ADGRL2: variants seen among roughly 807,000 people sequenced by gnomAD.
The protein encoded by ADGRL2 is adhesion G protein-coupled receptor L2, also known as calcium-independent alpha-latrotoxin receptor 2.
A neutral mutation model predicts 157.4 loss-of-function variants in ADGRL2; 44 were observed. The ratio of observed to expected loss-of-function variants is 0.28; its 90% confidence interval spans 0.22 to 0.36. ADGRL2 has a LOEUF of 0.36. ADGRL2 is among the 10% of genes least tolerant of loss of function. The pLI, the probability that ADGRL2 is intolerant of heterozygous loss-of-function variation, is 1.00. For missense variants in ADGRL2, 1,510 were observed against 1,768.9 expected (o/e 0.85, Z 2.63); for synonymous variants, 585 against 624.7 (o/e 0.94, Z 0.95).
At chr1:81,728,094 T>C (rs1300804340) in intron 1 of ADGRL2, among the ~76,000 whole-genome samples, 1 of 152,198 alleles carries the variant, frequency 6.6e-6, no homozygotes, top group Non-Finnish European at 1.5e-5. Context: ...TCATCAACTT[T>C]GGGATTTATA....
chr1:81,809,068 G>C (rs963445339), intron 1 of ADGRL2, among the ~76,000 whole-genome samples: 1 of 151,948 alleles, frequency 6.6e-6, no homozygotes, highest in African/African-American at 2.4e-5. Flanking sequence ...CATTAATCAC[G>C]ACCTGACAAG....
chr1:81,736,440 C>T (rs1352459162), intron 1 of ADGRL2, among the ~76,000 whole-genome samples: 5 of 152,094 alleles, frequency 3.3e-5, no homozygotes, highest in African/African-American at 1.2e-4. Flanking sequence ...TGGGGTTCCT[C>T]TTATTTATTT....
intron 23 of ADGRL2, 193 bp from the exon 24 acceptor site, chr1:81,990,198 A>G (rs1216213659): frequency 1.0e-5 from 10 of 985,116 alleles, no homozygotes; most frequent in African/African-American, 1.7e-5. Context: ...ATTATTTTTA[A>G]CACTTTTTCC....
At chr1:81,340,315 G>A (rs1276105071) in intron 1 of ADGRL2, among the ~76,000 whole-genome samples, 1 of 152,128 alleles carries the variant, frequency 6.6e-6, no homozygotes, top group Non-Finnish European at 1.5e-5. Flanking sequence ...ACAATAGCAG[G>A]ACACATTTAA....
chr1:81,581,995 C>G (rs1026733862), intron 3 of ADGRL2, among the ~76,000 whole-genome samples: 1 of 151,850 alleles, frequency 6.6e-6, no homozygotes, highest in African/African-American at 2.4e-5. Context: ...CCAAGGTGGG[C>G]AGATCACCTG....
intron 2 of ADGRL2, among the ~76,000 whole-genome samples, chr1:81,481,233 C>T (rs1456621076): frequency 2.0e-5 from 3 of 152,310 alleles, no homozygotes; most frequent in South Asian, 4.1e-4. Context: ...GCCCCATAAA[C>T]TATCAATAAG....
chr1:81,361,032 C>G (rs1029694845), intron 1 of ADGRL2, among the ~76,000 whole-genome samples: 6 of 151,832 alleles, frequency 4.0e-5, no homozygotes, highest in Non-Finnish European at 7.4e-5. Context: ...AAGAAAGCCC[C>G]TAATCTTGCA....
intron 1 of ADGRL2, among the ~76,000 whole-genome samples, chr1:81,442,203 C>G (rs943915866): frequency 1.3e-5 from 2 of 152,108 alleles, no homozygotes; most frequent in East Asian, 1.9e-4. Context: ...AATATAAAGT[C>G]CTTTTAAAAA....
At chr1:81,737,183 C>T (rs2084929671) in intron 1 of ADGRL2, among the ~76,000 whole-genome samples, 1 of 152,128 alleles carries the variant, frequency 6.6e-6, no homozygotes. Context: ...TAATCTTTGT[C>T]ATTGTATTAG....
intron 1 of ADGRL2, among the ~76,000 whole-genome samples, chr1:81,368,145 T>C (rs901919624): frequency 4.6e-5 from 7 of 152,188 alleles, no homozygotes. Flanking sequence ...TTCCCACCAA[T>C]GCAATTAAAA....
At chr1:81,641,432 A>G (rs2082216698) in intron 3 of ADGRL2, among the ~76,000 whole-genome samples, 1 of 152,212 alleles carries the variant, frequency 6.6e-6, no homozygotes. Context: ...GTCATAAAAC[A>G]GACCTTAACA....
At chr1:81,354,282 A>C (rs1037562117) in intron 1 of ADGRL2, among the ~76,000 whole-genome samples, 1 of 152,232 alleles carries the variant, frequency 6.6e-6, no homozygotes, top group African/African-American at 2.4e-5. Context: ...AACTTGCTCA[A>C]GGACACTTAA....
chr1:81,951,981 A>C lies in ADGRL2; in HGVS notation c.1633A>C (p.Ser545Arg), dbSNP rs748535553. The C allele has an allele frequency of 1.9e-6, 3 of 1,608,770 alleles. No individual in the cohort carries two copies. Among genetic ancestry groups the C allele is most frequent in the Non-Finnish European group, 2.5e-6 (3 of 1,177,320 alleles). ...QKIRSGENAA[S>R]LANELAKHTK... is the part of the protein sequence containing the mutation. ...GATCAGAAGCGGAGAAAATGCTGCT[A>C]GTCTTGCCAATGAACTGGCTAAACA... is the stretch of plus-strand genomic sequence containing the variant. The change falls in exon 9 of 24, where the codon AGT becomes CGT. Residue 545 changes from serine (S) to arginine (R), a missense_variant. Transcript: ENST00000686636.
chr1:81,754,396 C>T (rs949897172), intron 1 of ADGRL2, among the ~76,000 whole-genome samples: 6 of 151,060 alleles, frequency 4.0e-5, no homozygotes, highest in South Asian at 2.1e-4. Context: ...AATGAGACAA[C>T]GCGTGAGCCA....
chr1:81,592,546 C>T (rs2081152956), intron 3 of ADGRL2, among the ~76,000 whole-genome samples: 2 of 152,140 alleles, frequency 1.3e-5, no homozygotes, highest in Admixed American at 6.5e-5. Context: ...TCTTAGGACC[C>T]TTCTAGTGTC....
chr1:81,329,352 A>G (rs1403779915), intron 1 of ADGRL2, among the ~76,000 whole-genome samples: 2 of 152,074 alleles, frequency 1.3e-5, no homozygotes, highest in African/African-American at 2.4e-5. Flanking sequence ...TTTTGAAAGG[A>G]GGCTGAGAGA....
chr1:81,644,184 T>G (rs2082272881), intron 3 of ADGRL2, among the ~76,000 whole-genome samples: 1 of 152,158 alleles, frequency 6.6e-6, no homozygotes. Flanking sequence ...AAAATAAATG[T>G]AAACCCAGAG....
intron 2 of ADGRL2, among the ~76,000 whole-genome samples, chr1:81,770,209 C>G (rs1436793516): frequency 3.2e-4 from 41 of 128,924 alleles, no homozygotes; most frequent in African/African-American, 1.3e-3. Context: ...ATAGCCCAGG[C>G]TGGAGTACAG....
rs1242469306 is a variant in ADGRL2, at chr1:81,859,767, A to AT, written c.73+22716dup. On this transcript the variant is annotated intron_variant, in intron 2 of 23. Transcript: ENST00000686636. ...ATCATTTCATGTCATTTAGACTTTA[A>AT]TTTTTTGTGAGGCTTTTTAAAATAA... is the stretch of plus-strand genomic sequence containing the variant. Among the ~76,000 whole-genome samples, 4 of 152,250 alleles carry AT rather than the reference A, an allele frequency of 2.6e-5. No individual in the cohort carries two copies. The East Asian group carries it at 7.7e-4, about 29-fold the overall frequency.
Sources: gnomAD v4.1 joint callset for allele counts (sites outside exome capture counted in the v4.1 genomes callset) on GRCh38, gnomAD v4.1.1 for gene constraint, MANE v1.5 for transcripts, NCBI Gene and HGNC (gene_info 2026-07-23, HGNC 2026-07-21) for gene names.